RELN: variants seen among roughly 807,000 people sequenced by gnomAD.
The protein encoded by RELN is reelin.
In RELN, 108 loss-of-function variants were observed where a neutral mutation model predicts 427.6. The ratio of observed to expected loss-of-function variants is 0.25; its 90% confidence interval spans 0.22 to 0.30. The LOEUF (loss-of-function observed/expected upper bound fraction) is 0.30. RELN is among the 10% of genes least tolerant of loss of function. The probability of loss-of-function intolerance (pLI) is 1.00; values close to 1 mark genes in which losing one functional copy is unlikely to be tolerated. For missense variants in RELN, 3,715 were observed against 4,302.8 expected, an observed-to-expected ratio of 0.86 and a Z score of 3.82; for synonymous variants, 1,524 against 1,513.4, an observed-to-expected ratio of 1.01 and a Z score of -0.16.
intron 3 of RELN, among the ~76,000 whole-genome samples, chr7:103,826,342 GTGTGTGTGTGTGTGTGTA>G (rs1793140453): frequency 8.6e-6 from 1 of 116,382 alleles, no homozygotes; most frequent in Non-Finnish European, 2.1e-5. Flanking sequence ...GTGTGTGTGT[GTGTGTGTGTGTGTGTGTA>G]TACACATACA....
chr7:103,568,436 C>T (rs892031624), intron 31 of RELN, among the ~76,000 whole-genome samples: 3 of 152,154 alleles, frequency 2.0e-5, no homozygotes, highest in Admixed American at 6.5e-5. Flanking sequence ...AATAACAGAA[C>T]TCTTTGGGGG....
intron 6 of RELN, 111 bp from the exon 7 acceptor site, chr7:103,728,318 T>G: frequency 9.6e-7 from 1 of 1,046,176 alleles, no homozygotes; most frequent in Admixed American, 1.9e-5. Flanking sequence ...AAATCACCAT[T>G]TTGAGGAAAG....
intron 20 of RELN, among the ~76,000 whole-genome samples, chr7:103,625,759 T>G (rs1190913508): frequency 2.0e-5 from 3 of 152,140 alleles, no homozygotes; most frequent in Non-Finnish European, 2.9e-5. Context: ...TCAAAGAGGC[T>G]AAATAAATTT....
intron 63 of RELN, among the ~76,000 whole-genome samples, chr7:103,480,013 C>T (rs747516580): frequency 5.9e-5 from 9 of 152,072 alleles, no homozygotes; most frequent in Non-Finnish European, 1.2e-4. Flanking sequence ...ATGTATGCCC[C>T]AACCATTAGT....
intron 8 of RELN, among the ~76,000 whole-genome samples, chr7:103,717,353 T>A (rs1280001608): frequency 6.7e-6 from 1 of 150,328 alleles, no homozygotes. Flanking sequence ...TAAACTCATT[T>A]AAAAAAATAA....
At chr7:103,592,270 C>G (rs1831434106) in intron 27 of RELN, among the ~76,000 whole-genome samples, 1 of 152,130 alleles carries the variant, frequency 6.6e-6, no homozygotes, top group Admixed American at 6.6e-5. Context: ...CTGCCACTTA[C>G]AAGTGAGAAC....
chr7:103,630,852 T>G lies in RELN; in HGVS notation c.2466-676A>C, dbSNP rs13220982. Among the ~76,000 whole-genome samples, 67 of 17,880 alleles carry G rather than the reference T, an allele frequency of 3.7e-3. 1 individual carries two copies. The highest frequency in any genetic ancestry group is 5.7e-3 in the African/African-American group (11 of 1,922). The allele number at this position is 17,880 out of a possible 152,430, so 11.7% of individuals were successfully genotyped here. The stretch of plus-strand genomic sequence containing the variant: ...CTGAAAGGGCTGAGTTATTTTTTTG[T>G]TTTTTTTGTTTTTTTTTTTTTTGTT... On this transcript the variant is annotated intron_variant, in intron 19 of 64. Coordinates refer to ENST00000428762, the MANE Select transcript of RELN (RefSeq NM_005045.4).
chr7:103,952,199 T>C (rs1277716272), intron 1 of RELN, among the ~76,000 whole-genome samples: 1 of 152,208 alleles, frequency 6.6e-6, no homozygotes, highest in African/African-American at 2.4e-5. Context: ...TTTTCTTAAT[T>C]ATTTGGTGAA....
At chr7:103,624,145 G>A (rs1029233393) in intron 20 of RELN, among the ~76,000 whole-genome samples, 15 of 152,076 alleles carry the variant, frequency 9.9e-5, no homozygotes, top group African/African-American at 3.4e-4. Flanking sequence ...GGTGACTGCT[G>A]CTTCTCATAA....
chr7:103,590,925 T>C (rs1159938811), intron 27 of RELN, among the ~76,000 whole-genome samples: 1 of 152,190 alleles, frequency 6.6e-6, no homozygotes, highest in Non-Finnish European at 1.5e-5. Context: ...CCTTTCTTCT[T>C]TGATTTGTCA....
intron 3 of RELN, among the ~76,000 whole-genome samples, chr7:103,786,578 A>G (rs1792022887): frequency 6.6e-6 from 1 of 151,518 alleles, no homozygotes; most frequent in South Asian, 2.1e-4. Flanking sequence ...CAGACTTTAA[A>G]CCAACAAAGA....
At chr7:103,899,164 C>G (rs2116613949) in intron 2 of RELN, among the ~76,000 whole-genome samples, 1 of 152,178 alleles carries the variant, frequency 6.6e-6, no homozygotes, top group Non-Finnish European at 1.5e-5. Flanking sequence ...CTATAAACAC[C>G]TCTACTTAAA....
intron 52 of RELN, 97 bp downstream of exon 52, chr7:103,502,918 AC>A: frequency 1.0e-6 from 1 of 1,002,054 alleles, no homozygotes; most frequent in South Asian, 1.4e-5. Context: ...AAAGCACTTT[AC>A]CCACAAATAC....
intron 2 of RELN, among the ~76,000 whole-genome samples, chr7:103,901,040 A>G (rs1795072612): frequency 6.6e-6 from 1 of 152,050 alleles, no homozygotes; most frequent in Admixed American, 6.6e-5. Context: ...CACTGTCCAT[A>G]CTGTTACAAC....
intron 47 of RELN, 72 bp from the exon 48 acceptor site, chr7:103,522,271 G>T: frequency 6.9e-7 from 1 of 1,442,928 alleles, no homozygotes; most frequent in Non-Finnish European, 9.7e-7. Flanking sequence ...TCAAATTAGT[G>T]AAGACTACTC....
intron 46 of RELN, among the ~76,000 whole-genome samples, chr7:103,528,609 ATC>A (rs1157327868): frequency 1.3e-5 from 2 of 152,002 alleles, no homozygotes; most frequent in Non-Finnish European, 2.9e-5. Flanking sequence ...GCTCACTGCA[ATC>A]TCTGCCTCCC....
intron 42 of RELN, among the ~76,000 whole-genome samples, chr7:103,544,201 G>T (rs1830235078): frequency 7.1e-6 from 1 of 139,942 alleles, no homozygotes; most frequent in Non-Finnish European, 1.5e-5. Flanking sequence ...TACAAAAACT[G>T]AGCAAAAAGA....
Position 103,604,323 on chromosome 7 carries a change from A to G in RELN, c.3146+23T>C, listed in dbSNP as rs535132194. ...ACAAATCTTGAGAAGCATGGACCTCATCGTGCTTTCTGGTGCACATACCTG... is the reference window on the plus strand; with the variant it reads ...ACAAATCTTGAGAAGCATGGACCTCGTCGTGCTTTCTGGTGCACATACCTG... On this transcript the variant is annotated intron_variant, in intron 23 of 64. Transcript: ENST00000428762. 7.2e-4 allele frequency: 1,157 copies of G among 1,613,574 alleles called. 13 individuals carry two copies. The South Asian group carries it at 0.012, about 17-fold the overall frequency.
At chr7:103,738,739 G>A (rs550707902) in intron 6 of RELN, among the ~76,000 whole-genome samples, 9 of 131,922 alleles carry the variant, frequency 6.8e-5, no homozygotes, top group Middle Eastern at 8.5e-3. Context: ...CTGGAGTGCA[G>A]TGGCATTATC....
Sources: allele counts gnomAD v4.1 joint callset (sites outside exome capture counted in the v4.1 genomes callset), GRCh38; gene constraint gnomAD v4.1.1; transcripts MANE v1.5; gene names NCBI Gene and HGNC (gene_info 2026-07-23, HGNC 2026-07-21).